The following FRMPD4 variants were observed in gnomAD, a reference collection of about 807,000 sequenced individuals.
The protein encoded by FRMPD4 is FERM and PDZ domain containing 4, also known as FERM and PDZ domain-containing protein 4.
FRMPD4 carries 22 observed loss-of-function variants against 94.1 expected under a neutral mutation model. The ratio of observed to expected loss-of-function variants is 0.23; its 90% CI spans 0.17 to 0.33. The LOEUF (loss-of-function observed/expected upper bound fraction) is 0.33. Ranked by LOEUF, FRMPD4 falls within the 10% of genes least tolerant of loss-of-function variation. FRMPD4 has a pLI of 1.00. For synonymous variants in FRMPD4, 631 were observed against 548.6 expected (o/e 1.15, Z -2.10); for missense variants, 1,111 against 1,339.9 (o/e 0.83, Z 2.67).
At chrX:12,523,621 G>A (rs1383024944) in intron 2 of FRMPD4, among the ~76,000 whole-genome samples, 1 of 111,851 alleles carries the variant, frequency 8.9e-6, no homozygotes, top group Non-Finnish European at 1.9e-5. Context: ...CCTTTCTGTA[G>A]TTTGCTTTAT....
chrX:12,323,178 G>T (rs2055236153), intron 1 of FRMPD4, among the ~76,000 whole-genome samples: 1 of 111,725 alleles, frequency 9.0e-6, no homozygotes, highest in Non-Finnish European at 1.9e-5. Flanking sequence ...ATTCTGGGTG[G>T]GGTAATTGAG....
chrX:12,571,863 A>C (rs2058763962), intron 2 of FRMPD4, among the ~76,000 whole-genome samples: 1 of 112,701 alleles, frequency 8.9e-6, no homozygotes, highest in Non-Finnish European at 1.9e-5. Flanking sequence ...CTTCAAAAAA[A>C]GGTCATTTTA....
At chrX:12,015,033 G>A (rs1213349976) in intron 3 of FRMPD4, among the ~76,000 whole-genome samples, 3 of 111,389 alleles carry the variant, frequency 2.7e-5, no homozygotes, top group African/African-American at 9.8e-5. Flanking sequence ...AAGAGTGGGC[G>A]AATTCTTTGC....
At chrX:12,051,701 C>T (rs890516009) in intron 3 of FRMPD4, among the ~76,000 whole-genome samples, 1 of 110,926 alleles carries the variant, frequency 9.0e-6, no homozygotes, top group Non-Finnish European at 1.9e-5. Context: ...ATTCTCCCAC[C>T]CCCTCCTTTT....
At chrX:12,137,766 G>A (rs1047341480), upstream of FRMPD4, among the ~76,000 whole-genome samples, 2 of 112,304 alleles carry the variant, frequency 1.8e-5, no homozygotes, top group African/African-American at 6.5e-5. Context: ...TCTGCCTAAG[G>A]TGAGTGTTTA....
intron 1 of FRMPD4, among the ~76,000 whole-genome samples, chrX:12,452,462 TCAG>T (rs2057283796): frequency 1.8e-5 from 2 of 111,511 alleles, no homozygotes; most frequent in Admixed American, 1.9e-4. Flanking sequence ...TTTGCCATAA[TCAG>T]CAGAAAACAG....
chrX:12,366,809 G>A (rs762319068), intron 1 of FRMPD4, among the ~76,000 whole-genome samples: 1 of 112,097 alleles, frequency 8.9e-6, no homozygotes, highest in East Asian at 2.8e-4. Context: ...CAGGGGCTTT[G>A]AGCCAGTGCC....
At chrX:11,959,928 C>T (rs1229103905) in intron 3 of FRMPD4, among the ~76,000 whole-genome samples, 1 of 111,481 alleles carries the variant, frequency 9.0e-6, no homozygotes, top group Non-Finnish European at 1.9e-5. Flanking sequence ...AAAACTACCT[C>T]AGCAAACAGT....
intron 1 of FRMPD4, among the ~76,000 whole-genome samples, chrX:12,379,673 G>A (rs2148019734): frequency 9.4e-6 from 1 of 106,635 alleles, no homozygotes; most frequent in Non-Finnish European, 1.9e-5. Flanking sequence ...GTGTGTGTGT[G>A]TGTGTGTGTG....
intron 3 of FRMPD4, among the ~76,000 whole-genome samples, chrX:12,097,231 T>G (rs1286563440): frequency 9.8e-5 from 11 of 111,936 alleles, no homozygotes; most frequent in African/African-American, 3.6e-4. Flanking sequence ...CAGAGAATGT[T>G]AGAACTGGAA....
At chrX:12,257,089 TTA>T (rs2054124534) in intron 1 of FRMPD4, among the ~76,000 whole-genome samples, 1 of 112,091 alleles carries the variant, frequency 8.9e-6, no homozygotes, top group Non-Finnish European at 1.9e-5. Context: ...CACTTCAGAG[TTA>T]ATGTTTCTTA....
intron 3 of FRMPD4, among the ~76,000 whole-genome samples, chrX:11,971,674 C>T (rs1787163814): frequency 1.8e-5 from 2 of 112,206 alleles, no homozygotes; most frequent in South Asian, 3.7e-4. Context: ...AGCAGTAATG[C>T]ATTTGTTACC....
intron 1 of FRMPD4, among the ~76,000 whole-genome samples, chrX:12,468,616 G>C (rs1236618110): frequency 9.0e-6 from 1 of 111,689 alleles, no homozygotes; most frequent in East Asian, 2.8e-4. Context: ...GAAACACCTT[G>C]TCTGTTGTGG....
At chrX:12,667,407 A>G (rs1373607995) in intron 4 of FRMPD4, among the ~76,000 whole-genome samples, 3 of 112,472 alleles carry the variant, frequency 2.7e-5, no homozygotes, top group Non-Finnish European at 5.6e-5. Context: ...TTAAATTAGT[A>G]TCAGTGTCTG....
intron 3 of FRMPD4, among the ~76,000 whole-genome samples, chrX:12,119,280 A>G (rs1220319030): frequency 1.8e-5 from 2 of 111,835 alleles, no homozygotes; most frequent in Non-Finnish European, 3.8e-5. Context: ...TGAAAGAAGA[A>G]TAATTTAAGT....
chrX:12,117,661 A>G (rs933885735), intron 3 of FRMPD4, among the ~76,000 whole-genome samples: 3 of 111,865 alleles, frequency 2.7e-5, no homozygotes, highest in Non-Finnish European at 5.6e-5. Context: ...CAAGGCTCCC[A>G]TGCTTTGGCC....
chrX:12,484,066 A>G (rs775658386), intron 1 of FRMPD4, among the ~76,000 whole-genome samples: 1 of 112,035 alleles, frequency 8.9e-6, no homozygotes, highest in Admixed American at 9.5e-5. Context: ...TAGAATATAC[A>G]ATGGATGAAT....
At chrX:12,526,598 A>T (rs1264842825) in intron 2 of FRMPD4, among the ~76,000 whole-genome samples, 1 of 111,387 alleles carries the variant, frequency 9.0e-6, no homozygotes, top group Non-Finnish European at 1.9e-5. Flanking sequence ...TTTCCCTCCC[A>T]TGCCAACCTT....
At chrX:11,996,104 C>A (rs1403890660) in intron 3 of FRMPD4, among the ~76,000 whole-genome samples, 1 of 110,885 alleles carries the variant, frequency 9.0e-6, no homozygotes, top group Non-Finnish European at 1.9e-5. Context: ...TAGATAGGCT[C>A]TCCATTTATA....
Sources: gnomAD v4.1 joint callset for allele counts (sites outside exome capture counted in the v4.1 genomes callset) on GRCh38, gnomAD v4.1.1 for gene constraint, MANE v1.5 for transcripts, NCBI Gene and HGNC (gene_info 2026-07-23, HGNC 2026-07-21) for gene names.